Variants in CALN1 observed in about 807,000 individuals in gnomAD.
CALN1 encodes calcium-binding protein 8.
CALN1 carries 17 observed loss-of-function variants against 30.6 expected under a neutral mutation model. The observed-to-expected ratio is 0.56, with a 90% CI of 0.38 to 0.83. The LOEUF (loss-of-function observed/expected upper bound fraction) is 0.83. Ranked by LOEUF, CALN1 falls within the 40% of genes least tolerant of loss-of-function variation. CALN1 has a pLI of 0.00. For synonymous variants in CALN1, 156 were observed against 131.4 expected (o/e 1.19, Z -1.28); for missense variants, 291 against 354.9 (o/e 0.82, Z 1.45).
chr7:71,784,907 GC>G lies in CALN1; in HGVS notation c.*2867del, dbSNP rs756036723. ...TGATGGGGACACTGACTGGCATGGG[GC>G]CCTAGCATAAAATTTGTGTGAACAG... On this transcript the variant is annotated 3_prime_UTR_variant, in exon 7 of 7. Coordinates refer to ENST00000395275, the MANE Select transcript of CALN1 (RefSeq NM_031468.4). 1.6e-4 allele frequency: 62 copies of G among 398,712 alleles called. No homozygotes were observed. The highest frequency in any genetic ancestry group is 2.6e-4 in the Non-Finnish European group (58 of 226,154). The allele number at this position is 398,712 out of a possible 1,614,324, so 24.7% of individuals were successfully genotyped here. A position where few individuals can be genotyped will look rare whatever the true frequency, so the allele number is the denominator to read the frequency against.
chr7:72,345,353 AAG>A (rs1802584861), intron 2 of CALN1, among the ~76,000 whole-genome samples: 2 of 128,488 alleles, frequency 1.6e-5, no homozygotes, highest in African/African-American at 2.6e-5. Flanking sequence ...GAAGGAAAGA[AAG>A]AGAAGGAAGG....
intron 1 of CALN1, among the ~76,000 whole-genome samples, chr7:72,422,787 G>T (rs1437457616): frequency 6.6e-6 from 1 of 151,998 alleles, no homozygotes; most frequent in Non-Finnish European, 1.5e-5. Flanking sequence ...AACTCTCATG[G>T]TGTCATTTTG....
rs147084976 is a variant in CALN1, at chr7:72,431,598, G to A, written c.-226+15444C>T. 3.7e-3 allele frequency among the ~76,000 whole-genome samples: 564 copies of A among 152,222 alleles called. 3 individuals carry two copies. The highest frequency in any genetic ancestry group is 0.011 in the African/African-American group (465 of 41,542). The stretch of plus-strand genomic sequence containing the variant: ...TCATGCCTATAACCCCAGCACTTTG[G>A]GGGGCCAAGGCTGGAAGATCGTTCG... On this transcript the variant is annotated intron_variant, in intron 1 of 6. Coordinates refer to the CALN1 transcript ENST00000395276.
intron 2 of CALN1, among the ~76,000 whole-genome samples, chr7:72,286,859 G>A (rs1447687513): frequency 6.6e-6 from 1 of 152,096 alleles, no homozygotes; most frequent in African/African-American, 2.4e-5. Context: ...TACAAGAAAG[G>A]ACAATTTTAC....
intron 6 of CALN1, among the ~76,000 whole-genome samples, chr7:71,791,544 C>G (rs951579817): frequency 1.3e-5 from 2 of 152,000 alleles, no homozygotes; most frequent in African/African-American, 4.8e-5. Context: ...ACACTGGGGC[C>G]CACTTGAGGA....
chr7:71,958,133 A>G (rs1797063257), intron 5 of CALN1, among the ~76,000 whole-genome samples: 1 of 151,996 alleles, frequency 6.6e-6, no homozygotes, highest in South Asian at 2.1e-4. Flanking sequence ...TGCAGTAATT[A>G]CCAATCTCTT....
chr7:72,062,497 G>C (rs1803722459), intron 4 of CALN1, among the ~76,000 whole-genome samples: 2 of 129,674 alleles, frequency 1.5e-5, no homozygotes. Flanking sequence ...GGACGACAGA[G>C]TGAGACTCTA....
intron 3 of CALN1, among the ~76,000 whole-genome samples, chr7:72,180,611 T>TC (rs1200229185): frequency 3.4e-5 from 5 of 147,744 alleles, no homozygotes; most frequent in African/African-American, 7.4e-5. Flanking sequence ...TTTTTTCTTT[T>TC]TTTTTTTTTT....
intron 5 of CALN1, among the ~76,000 whole-genome samples, chr7:71,995,343 TTA>T (rs1010799037): frequency 3.6e-4 from 55 of 152,326 alleles, no homozygotes; most frequent in African/African-American, 1.3e-3. Context: ...GCCTGCTGAT[TTA>T]TGTTTGCAGC....
intron 2 of CALN1, among the ~76,000 whole-genome samples, chr7:72,346,981 A>G (rs1320162383): frequency 6.6e-6 from 1 of 152,192 alleles, no homozygotes; most frequent in African/African-American, 2.4e-5. Flanking sequence ...TGTGAGAAGG[A>G]AAAGTGGGAA....
intron 1 of CALN1, among the ~76,000 whole-genome samples, chr7:72,410,388 A>G (rs1173837585): frequency 2.6e-5 from 4 of 152,252 alleles, no homozygotes; most frequent in African/African-American, 9.6e-5. Flanking sequence ...AGGACGTAGA[A>G]AATGTCCATG....
chr7:72,319,238 C>T (rs1274751950), intron 2 of CALN1, among the ~76,000 whole-genome samples: 1 of 152,084 alleles, frequency 6.6e-6, no homozygotes, highest in African/African-American at 2.4e-5. Context: ...CGAGACTGGA[C>T]AATTTACAAA....
chr7:72,107,020 G>GA lies in CALN1; in HGVS notation c.245-727dup, dbSNP rs762841895. 2.0e-5 allele frequency among the ~76,000 whole-genome samples: 3 copies of GA among 151,734 alleles called. No individual in the cohort carries two copies. In the East Asian group the frequency reaches 5.8e-4, roughly 30 times the overall value. ...AAAGAAAAATAGAAAGAAAGAAAGA[G>GA]AAAAAAAGAAAAAGAAAGAAAGAAG... On this transcript the variant is annotated intron_variant, in intron 3 of 6. Transcript: ENST00000395275.
chr7:72,220,819 T>C (rs1196936442), intron 3 of CALN1, among the ~76,000 whole-genome samples: 1 of 152,220 alleles, frequency 6.6e-6, no homozygotes, highest in African/African-American at 2.4e-5. Flanking sequence ...TTTCATGTGT[T>C]TTTTGGCTGC....
chr7:72,447,814 C>T (rs1349075251), upstream of CALN1, among the ~76,000 whole-genome samples: 2 of 151,402 alleles, frequency 1.3e-5, no homozygotes, highest in Non-Finnish European at 2.9e-5. Flanking sequence ...CATACACATT[C>T]CTATGTACAC....
chr7:72,036,800 A>AT (rs993623364), intron 4 of CALN1, among the ~76,000 whole-genome samples: 11 of 143,670 alleles, frequency 7.7e-5, no homozygotes, highest in Non-Finnish European at 1.1e-4. Context: ...GGAACAGCTT[A>AT]TTTTTTTTTC....
the CALN1 span, among the ~76,000 whole-genome samples, chr7:72,503,642 C>G: frequency 2.0e-5 from 3 of 152,118 alleles, no homozygotes; most frequent in Admixed American, 2.0e-4. Context: ...TCTAGCCTAA[C>G]TTTTCCTGAA....
At chr7:72,097,993 C>T (rs1329416529) in intron 4 of CALN1, among the ~76,000 whole-genome samples, 8 of 152,258 alleles carry the variant, frequency 5.3e-5, no homozygotes, top group South Asian at 4.1e-4. Flanking sequence ...GGATTACAGG[C>T]GTGAGCCACC....
Position 72,218,818 on chromosome 7 carries a change from C to T in CALN1, c.244+59868G>A, listed in dbSNP as rs934028327. 9.2e-5 allele frequency among the ~76,000 whole-genome samples: 14 copies of T among 152,260 alleles called. No homozygotes were observed. The East Asian group carries it at 9.7e-4, about 11-fold the overall frequency. On this transcript the variant is annotated intron_variant, in intron 3 of 6. Coordinates refer to ENST00000395275, the MANE Select transcript of CALN1 (RefSeq NM_031468.4). ...CTGGTAAAGCACTATGTCCAAAGCA[C>T]GGTTTTCCTCTGAAGGAGAAGTGCC...
Sources: gnomAD v4.1 joint callset for allele counts (sites outside exome capture counted in the v4.1 genomes callset) on GRCh38, gnomAD v4.1.1 for gene constraint, MANE v1.5 for transcripts, NCBI Gene and HGNC (gene_info 2026-07-23, HGNC 2026-07-21) for gene names.